GCGR: variants seen among roughly 807,000 people sequenced by gnomAD.
GCGR encodes the protein glucagon receptor.
A neutral mutation model predicts 56.1 loss-of-function variants in GCGR; 41 were observed. The observed-to-expected ratio is 0.73, with a 90% CI of 0.57 to 0.95. The LOEUF is 0.95. Among genes scored for constraint, GCGR ranks in the 40% least tolerant of loss-of-function variants. GCGR has a pLI of 0.00. For synonymous variants in GCGR, 278 were observed against 271.1 expected (o/e 1.03, Z -0.25); for missense variants, 595 against 638.2 (o/e 0.93, Z 0.73).
rs1212910146 is a variant in GCGR, at chr17:81,812,990, C to T, written c.1177-26C>T. On this transcript the variant is annotated intron_variant, in intron 12 of 13. Transcript: ENST00000400723. This position sits in a 1 kb window ranked among gnomAD's most constrained non-coding sequence, Gnocchi z 8.5. ...CTCCCCCGCCCGGGGCGCAGTGTGC[C>T]ACCCCTGACCACCCTGTCTCTCCAG... 1 of 1,536,202 alleles carries T rather than the reference C, an allele frequency of 6.5e-7. No individual in the cohort carries two copies. Among genetic ancestry groups the T allele is most frequent in the East Asian group, 2.4e-5 (1 of 40,908 alleles).
At chr17:81,809,638 TCTGTCTGC>T (rs1157570877) in intron 2 of GCGR, 136 bp from the exon 3 acceptor site, 82 of 670,992 alleles carry the variant, frequency 1.2e-4, no homozygotes, top group South Asian at 3.3e-4. Flanking sequence ...TGCCTGCCTG[TCTGTCTGC>T]CTGTCTGCCT....
chr17:81,811,421 G>T lies in GCGR; in HGVS notation c.518G>T (p.Arg173Leu), dbSNP rs867051527. Residue 173 changes from arginine to leucine, a missense_variant, in exon 7 of 14, where the codon CGC (arginine) becomes CTC (leucine). Arg to Leu is a moderately radical substitution (Grantham distance 102, BLOSUM62 -2). Transcript: ENST00000400723. This position sits in a 1 kb window ranked among gnomAD's most constrained non-coding sequence, Gnocchi z 5.8. ...GCCCACAGCAAGCTGCACTGCACCC[G>T]CAATGCCATCCACGCGAATCTGTTT... ...LGGLSKLHCTRNAIHANLFAS... is the reference protein window; with the variant it reads ...LGGLSKLHCTLNAIHANLFAS... 2.0e-6 allele frequency: 3 copies of T among 1,536,368 alleles called. No homozygotes were observed. The highest frequency in any genetic ancestry group is 2.7e-5 in the African/African-American group (2 of 73,054).
intron 2 of GCGR, among the ~76,000 whole-genome samples, chr17:81,809,289 C>CGTCTGCCTGCCT (rs1555709299): frequency 4.2e-4 from 52 of 123,716 alleles, no homozygotes; most frequent in African/African-American, 1.6e-3. Flanking sequence ...TCTGCCTGTC[C>CGTCTGCCTGCCT]GTCTGCCTGT....
At position 81,811,142 on chromosome 17, in the gene GCGR, G is replaced by A. The variant is rs572071226; in HGVS notation, c.393+11G>A. The A allele has an allele frequency of 3.7e-4, 575 of 1,536,046 alleles. 1 individual carries two copies. Among genetic ancestry groups the A allele is most frequent in the Admixed American group, 5.5e-4 (28 of 50,982 alleles). Reference sequence around the variant, plus strand: ...GAGATTGAGGTCCAGGTCAGTGGGCGGCAGGCAGGCGCGGTGGGGCTGGAT... The same window carrying A: ...GAGATTGAGGTCCAGGTCAGTGGGCAGCAGGCAGGCGCGGTGGGGCTGGAT... On this transcript the variant is annotated intron_variant, in intron 5 of 13. Transcript: ENST00000400723. The surrounding 1 kb of genome is among the most constrained non-coding windows in gnomAD (Gnocchi z 5.8).
chr17:81,808,580 C>T (rs1315137078), intron 1 of GCGR, among the ~76,000 whole-genome samples: 2 of 148,076 alleles, frequency 1.4e-5, no homozygotes, highest in African/African-American at 5.0e-5. Context: ...ACTGCAATGG[C>T]TTGATCTCCG....
chr17:81,808,498 C>T (rs1369671162), intron 1 of GCGR, among the ~76,000 whole-genome samples: 1 of 151,798 alleles, frequency 6.6e-6, no homozygotes, highest in African/African-American at 2.4e-5. Flanking sequence ...CCTGGGGTCT[C>T]CTCCCTCCTA....
rs1361463023 is a variant in GCGR at position 81,813,569 on chromosome 17, G to C, written c.1314G>C (p.Ser438=). 6.5e-7 allele frequency: 1 copy of C among 1,536,394 alleles called. No individual in the cohort carries two copies. Among genetic ancestry groups the C allele is most frequent in the Non-Finnish European group, 8.7e-7 (1 of 1,146,822 alleles). Residue 438 remains serine (S), a synonymous_variant, in exon 14 of 14, where the codon TCG becomes TCC. Transcript: ENST00000400723. This position sits in a 1 kb window ranked among gnomAD's most constrained non-coding sequence, Gnocchi z 5.3. The part of the protein sequence containing the change: ...RNTSNHRASS[S]PGHGPPSKEL... ...CCAGCAACCACAGGGCCTCATCTTC[G>C]CCCGGCCACGGCCCTCCCAGCAAGG...
chr17:81,811,566 C>T lies in GCGR; in HGVS notation c.657+6C>T, dbSNP rs1263632944. The T allele has an allele frequency of 3.9e-6, 6 of 1,536,270 alleles. No homozygotes were observed. The highest frequency in any genetic ancestry group is 5.2e-6 in the Non-Finnish European group (6 of 1,146,820). Reference sequence around the variant, plus strand: ...GCACCTGGCTCAGTGATGGAGTGAGCCCCCCTCGGCGGCCCCAGGCAGGTG... The same window carrying T: ...GCACCTGGCTCAGTGATGGAGTGAGTCCCCCTCGGCGGCCCCAGGCAGGTG... On this transcript the variant is annotated splice_donor_region_variant and intron_variant, in intron 7 of 13. Transcript: ENST00000400723. This position sits in a 1 kb window ranked among gnomAD's most constrained non-coding sequence, Gnocchi z 5.8.
Position 81,811,667 on chromosome 17 carries a change from G to T in GCGR, c.674G>T (p.Arg225Leu). ...WLSDGAVAGC[R>L]VAAVFMQYGI... Reference sequence around the variant, plus strand: ...CTGTACCAGGCGGTGGCTGGCTGCCGTGTGGCCGCGGTGTTCATGCAATAT... The same window carrying T: ...CTGTACCAGGCGGTGGCTGGCTGCCTTGTGGCCGCGGTGTTCATGCAATAT... Residue 225 changes from arginine to leucine, a missense_variant, in exon 8 of 14, where the codon CGT becomes CTT. Physicochemically the swap from Arg to Leu is moderately radical, Grantham distance 102 (BLOSUM62 -2). Transcript: ENST00000400723. The surrounding 1 kb of genome is among the most constrained non-coding windows in gnomAD (Gnocchi z 5.8). 1 of 1,536,900 alleles carries T rather than the reference G, an allele frequency of 6.5e-7. No homozygotes were observed. The highest frequency in any genetic ancestry group is 8.7e-7 in the Non-Finnish European group (1 of 1,147,070).
At position 81,812,588 on chromosome 17, in the gene GCGR, C is replaced by A; in HGVS notation, c.960C>A (p.Phe320Leu). The A allele has an allele frequency of 6.5e-7, 1 of 1,536,558 alleles. No homozygotes were observed. Among genetic ancestry groups the A allele is most frequent in the Non-Finnish European group, 8.7e-7 (1 of 1,146,766 alleles). The change falls in exon 11 of 14, where the codon TTC (phenylalanine) becomes TTA (leucine). Residue 320 changes from phenylalanine to leucine, a missense_variant. Phe to Leu is a conservative substitution (Grantham distance 22). Transcript: ENST00000400723. The surrounding 1 kb of genome is among the most constrained non-coding windows in gnomAD (Gnocchi z 8.5). ...PVFLAILINF[F>L]IFVRIVQLLV... ...CCCTTCTCACACAGATCAACTTCTTCATCTTCGTCCGCATCGTTCAGCTGC... is the reference window on the plus strand; with the variant it reads ...CCCTTCTCACACAGATCAACTTCTTAATCTTCGTCCGCATCGTTCAGCTGC...
Position 81,804,640 on chromosome 17 carries a change from C to T in GCGR, c.-178+391C>T, listed in dbSNP as rs950945684. 1.3e-5 allele frequency among the ~76,000 whole-genome samples: 2 copies of T among 152,036 alleles called. No individual in the cohort carries two copies. Among genetic ancestry groups the T allele is most frequent in the African/African-American group, 4.8e-5 (2 of 41,424 alleles). On this transcript the variant is annotated intron_variant, in intron 1 of 13. Coordinates refer to ENST00000400723, the MANE Select transcript of GCGR (RefSeq NM_000160.5). The surrounding 1 kb of genome is among the most constrained non-coding windows in gnomAD (Gnocchi z 8.2). The stretch of plus-strand genomic sequence containing the variant: ...GCACAAAGCGCCGCGGACGCGTCCC[C>T]GAGGCGCGGGGTCTCACCAGCGCTG...
chr17:81,808,785 C>G, intron 1 of GCGR, 57 bp from the exon 2 acceptor site: 1 of 585,890 alleles, frequency 1.7e-6, no homozygotes, highest in Middle Eastern at 4.5e-4. Context: ...TCCCAAAGTT[C>G]TGGGATTACA....
At chr17:81,807,303 C>T (rs1008565151) in intron 1 of GCGR, among the ~76,000 whole-genome samples, 2 of 152,244 alleles carry the variant, frequency 1.3e-5, no homozygotes, top group Admixed American at 6.5e-5. Flanking sequence ...TGCCTCCCAT[C>T]GGCCCCTACA....
rs1374465504 is a variant in GCGR at position 81,809,022 on chromosome 17, C to T, written c.4C>T (p.Pro2Ser). Residue 2 changes from proline to serine, a missense_variant, in exon 2 of 14, where the codon CCC becomes TCC. Transcript: ENST00000400723. ...AGGCAGCTAGCTGCCCAGAGGCATG[C>T]CCCCCTGCCAGCCACAGCGACCCCT... MPPCQPQRPLLL... is the reference protein window; with the variant it reads MSPCQPQRPLLL... The T allele has an allele frequency of 2.6e-6, 4 of 1,536,016 alleles. No homozygotes were observed.
In GCGR at chr17:81,811,744, A is replaced by G; in HGVS notation, c.751A>G (p.Asn251Asp). The change falls in exon 8 of 14, where the codon AAC (asparagine) becomes GAC (aspartate). Residue 251 changes from asparagine to aspartate, a missense_variant. Transcript: ENST00000400723. This position sits in a 1 kb window ranked among gnomAD's most constrained non-coding sequence, Gnocchi z 5.8. ...WLLVEGLYLH[N>D]LLGLATLPER... ...GCTGGTGGAGGGCCTGTACCTGCACAACCTGCTGGGCCTGGCCACCCTCCC... is the reference window on the plus strand; with the variant it reads ...GCTGGTGGAGGGCCTGTACCTGCACGACCTGCTGGGCCTGGCCACCCTCCC... 1 of 1,543,092 alleles carries G rather than the reference A, an allele frequency of 6.5e-7. No homozygotes were observed. The highest frequency in any genetic ancestry group is 1.2e-5 in the South Asian group (1 of 84,398).
At position 81,810,335 on chromosome 17, in the gene GCGR, C is replaced by T. The variant is rs774934641; in HGVS notation, c.163+451C>T. On this transcript the variant is annotated intron_variant, in intron 3 of 13. Coordinates refer to ENST00000400723, the MANE Select transcript of GCGR (RefSeq NM_000160.5). This position sits in a 1 kb window ranked among gnomAD's most constrained non-coding sequence, Gnocchi z 4.6. ...TCACCCGGGAGGCAGTGCCTGGGTT[C>T]GGATGAGGGAGGCAGCCACCACTGG... is the stretch of plus-strand genomic sequence containing the variant. 1.6e-5 allele frequency: 5 copies of T among 322,186 alleles called. No individual in the cohort carries two copies. Among genetic ancestry groups the T allele is most frequent in the Non-Finnish European group, 3.0e-5 (5 of 166,820 alleles). The allele number at this position is 322,186 out of a possible 1,614,324, so 20.0% of individuals were successfully genotyped here.
rs369021445 is a variant in GCGR at position 81,811,434 on chromosome 17, C to T, written c.531C>T (p.His177=). The T allele has an allele frequency of 1.7e-5, 26 of 1,536,574 alleles. No homozygotes were observed. The highest frequency in any genetic ancestry group is 1.5e-4 in the East Asian group (6 of 40,920). The part of the protein sequence containing the change: ...SKLHCTRNAI[H]ANLFASFVLK... ...TGCACTGCACCCGCAATGCCATCCA[C>T]GCGAATCTGTTTGCGTCCTTCGTGC... Residue 177 remains histidine, a synonymous_variant, in exon 7 of 14, where the codon CAC becomes CAT. Transcript: ENST00000400723. This position sits in a 1 kb window ranked among gnomAD's most constrained non-coding sequence, Gnocchi z 5.8.
Position 81,810,297 on chromosome 17 carries a change from A to G in GCGR, c.163+413A>G. 1 of 340,664 alleles carries G rather than the reference A, an allele frequency of 2.9e-6. No individual in the cohort carries two copies. Among genetic ancestry groups the G allele is most frequent in the Non-Finnish European group, 5.7e-6 (1 of 175,724 alleles). The allele number at this position is 340,664 out of a possible 1,614,324, so 21.1% of individuals were successfully genotyped here. Reference sequence around the variant, plus strand: ...GACACTTGGGGTGCAGGGAGAGGATAGGGCTGGAGGACTCACCCGGGAGGC... The same window carrying G: ...GACACTTGGGGTGCAGGGAGAGGATGGGGCTGGAGGACTCACCCGGGAGGC... On this transcript the variant is annotated intron_variant, in intron 3 of 13. Transcript: ENST00000400723. This position sits in a 1 kb window ranked among gnomAD's most constrained non-coding sequence, Gnocchi z 4.6.
In GCGR at chr17:81,810,791, G is replaced by GCCCTGCTCTGCCCTGCCCTA; in HGVS notation, c.164-29_164-10dup. 6.6e-7 allele frequency: 1 copy of GCCCTGCTCTGCCCTGCCCTA among 1,516,836 alleles called. No homozygotes were observed. 94.0% of individuals were successfully genotyped at this position (1,516,836 alleles called of 1,614,324 possible). ...GGAGCCCCTTCTCCCACCCTGCCCT[G>GCCCTGCTCTGCCCTGCCCTA]CCCTGCTCTGCCCTGCCCTACCCTA... On this transcript the variant is annotated intron_variant, in intron 3 of 13. Transcript: ENST00000400723. This position sits in a 1 kb window ranked among gnomAD's most constrained non-coding sequence, Gnocchi z 4.6.
Sources: allele counts gnomAD v4.1 joint callset (sites outside exome capture counted in the v4.1 genomes callset), GRCh38; gene constraint gnomAD v4.1.1; non-coding constraint Gnocchi (gnomAD v3.1); transcripts MANE v1.5; gene names NCBI Gene and HGNC (gene_info 2026-07-23, HGNC 2026-07-21).